PCDHGA1: variants seen among roughly 807,000 people sequenced by gnomAD.
The protein encoded by PCDHGA1 is protocadherin gamma-A1.
In PCDHGA1, 32 loss-of-function variants were observed where a neutral mutation model predicts 58.0. The ratio of observed to expected loss-of-function variants is 0.55; its 90% CI spans 0.42 to 0.74. The LOEUF (loss-of-function observed/expected upper bound fraction) is 0.74, where lower values mean the gene tolerates loss of function less well. PCDHGA1 is among the 30% of genes least tolerant of loss of function. PCDHGA1 has a pLI of 0.00. For missense variants in PCDHGA1, 1,205 were observed against 1,182.3 expected (o/e 1.02, Z -0.28); for synonymous variants, 498 against 501.1 (o/e 0.99, Z 0.08).
chr5:141,419,569 C>T (rs1200109635), intron 1 of PCDHGA1: 3 of 1,611,654 alleles, frequency 1.9e-6, no homozygotes, highest in East Asian at 2.2e-5. Context: ...TGGGTCCCGA[C>T]GGCTCCGCGC....
chr5:141,430,635 T>A, intron 1 of PCDHGA1: 3 of 881,948 alleles, frequency 3.4e-6, no homozygotes, highest in Non-Finnish European at 5.0e-6. Flanking sequence ...GAACCATCCC[T>A]GGGAGTATGT....
chr5:141,330,954 A>G lies in PCDHGA1; in HGVS notation c.270A>G (p.Ile90Met), dbSNP rs772543389. The G allele has an allele frequency of 3.0e-5, 49 of 1,614,252 alleles. No individual in the cohort carries two copies. Among genetic ancestry groups the G allele is most frequent in the Non-Finnish European group, 4.1e-5 (48 of 1,180,040 alleles). The change falls in exon 1 of 4, where the codon ATA becomes ATG. Residue 90 changes from isoleucine (I) to methionine (M), a missense_variant. Coordinates refer to ENST00000517417, the MANE Select transcript of PCDHGA1 (RefSeq NM_018912.3). ...RSGSLITARR[I>M]DREELCAQSM... ...GCAGCTTGATCACCGCGCGCAGGATAGACCGGGAGGAGCTCTGCGCTCAGA... is the reference window on the plus strand; with the variant it reads ...GCAGCTTGATCACCGCGCGCAGGATGGACCGGGAGGAGCTCTGCGCTCAGA...
Position 141,420,101 on chromosome 5 carries a change from T to A in PCDHGA1, c.2422-74706T>A. 5 of 1,614,046 alleles carry A rather than the reference T, an allele frequency of 3.1e-6. No homozygotes were observed. Among genetic ancestry groups the A allele is most frequent in the Non-Finnish European group, 4.2e-6 (5 of 1,179,870 alleles). ...TCCCCCCAACTACAGTGAGGGAACGTTGCCCTATGCCTATAATTTTTGTGT... is the reference window on the plus strand; with the variant it reads ...TCCCCCCAACTACAGTGAGGGAACGATGCCCTATGCCTATAATTTTTGTGT... On this transcript the variant is annotated intron_variant, in intron 1 of 3. Transcript: ENST00000517417.
intron 1 of PCDHGA1, chr5:141,385,657 C>A: frequency 1.6e-6 from 1 of 611,856 alleles, no homozygotes; most frequent in Non-Finnish European, 2.2e-6. Context: ...ACAAGGTTAG[C>A]AGGAATAAAA....
chr5:141,489,159 T>G lies in PCDHGA1; in HGVS notation c.2422-5648T>G. On this transcript the variant is annotated intron_variant, in intron 1 of 3. Transcript: ENST00000517417. This position sits in a 1 kb window ranked among gnomAD's most constrained non-coding sequence, Gnocchi z 4.5. ...AGGCTGGAAGGAGACATAAGAGACT[T>G]CAGCTGCTGCATTCCAAGCCCTGGG... is the stretch of plus-strand genomic sequence containing the variant. 2 of 1,023,152 alleles carry G rather than the reference T, an allele frequency of 2.0e-6. No individual in the cohort carries two copies. Among genetic ancestry groups the G allele is most frequent in the Non-Finnish European group, 2.9e-6 (2 of 697,120 alleles). The allele number at this position is 1,023,152 out of a possible 1,614,324, so 63.4% of individuals were successfully genotyped here. A position where few individuals can be genotyped will look rare whatever the true frequency, so the allele number is the denominator to read the frequency against.
intron 1 of PCDHGA1, chr5:141,382,648 G>A (rs1561591657): frequency 2.5e-6 from 1 of 403,370 alleles, no homozygotes; most frequent in Non-Finnish European, 4.4e-6. Flanking sequence ...CAGTAACTTA[G>A]TAAGGACTCA....
Position 141,485,465 on chromosome 5 carries a change from C to A in PCDHGA1, c.2422-9342C>A, listed in dbSNP as rs2099614061. 6.2e-7 allele frequency: 1 copy of A among 1,614,044 alleles called. No homozygotes were observed. Among genetic ancestry groups the A allele is most frequent in the African/African-American group, 1.3e-5 (1 of 74,918 alleles). ...AATCGACCGAGAGGCACTGTGTGGG[C>A]TCAGTGCCAGCTGCATCGTGCCCCT... On this transcript the variant is annotated intron_variant, in intron 1 of 3. Transcript: ENST00000517417. This position sits in a 1 kb window ranked among gnomAD's most constrained non-coding sequence, Gnocchi z 5.7.
chr5:141,384,575 C>A (rs754018989), intron 1 of PCDHGA1: 3 of 1,614,258 alleles, frequency 1.9e-6, no homozygotes, highest in Non-Finnish European at 2.5e-6. Context: ...AATGACAACC[C>A]GCCCGAGATC....
At position 141,332,968 on chromosome 5, in the gene PCDHGA1, G is replaced by A; in HGVS notation, c.2284G>A (p.Asp762Asn). 1 of 1,614,200 alleles carries A rather than the reference G, an allele frequency of 6.2e-7. No homozygotes were observed. The highest frequency in any genetic ancestry group is 8.5e-7 in the Non-Finnish European group (1 of 1,180,034). ...TYSHEVSLTADSRKSHLIFPQ... is the reference protein window; with the variant it reads ...TYSHEVSLTANSRKSHLIFPQ... ...TTCCCACGAGGTCTCCCTCACTGCG[G>A]ACTCGCGGAAGAGCCACCTGATTTT... Residue 762 changes from aspartate (D) to asparagine (N), a missense_variant, in exon 1 of 4, where the codon GAC (aspartate) becomes AAC (asparagine). Coordinates refer to ENST00000517417, the MANE Select transcript of PCDHGA1 (RefSeq NM_018912.3). This position sits in a 1 kb window ranked among gnomAD's most constrained non-coding sequence, Gnocchi z 4.6.
intron 1 of PCDHGA1, chr5:141,371,738 C>G (rs765693064): frequency 6.2e-7 from 1 of 1,614,052 alleles, no homozygotes. Flanking sequence ...TCAACGACAA[C>G]GTTCCCGTTT....
chr5:141,433,651 C>T (rs905489069), intron 1 of PCDHGA1, among the ~76,000 whole-genome samples: 3 of 152,064 alleles, frequency 2.0e-5, no homozygotes, highest in Non-Finnish European at 2.9e-5. Context: ...GCCTGACCAA[C>T]ATGGAGAAAC....
intron 1 of PCDHGA1, chr5:141,399,765 G>A: frequency 6.2e-7 from 1 of 1,613,356 alleles, no homozygotes; most frequent in African/African-American, 1.3e-5. Flanking sequence ...GCCTGCGCGT[G>A]TTGGTGGGCG....
chr5:141,497,689 A>G (rs951295378), intron 2 of PCDHGA1, among the ~76,000 whole-genome samples: 1 of 151,958 alleles, frequency 6.6e-6, no homozygotes, highest in African/African-American at 2.4e-5. Flanking sequence ...GCAGGTGTGC[A>G]CCACCACACC....
chr5:141,339,298 G>A (rs1487466494), intron 1 of PCDHGA1: 2 of 1,614,268 alleles, frequency 1.2e-6, no homozygotes, highest in Admixed American at 3.3e-5. Flanking sequence ...TTAACATTCT[G>A]CTGGAGGATA....
intron 1 of PCDHGA1, among the ~76,000 whole-genome samples, chr5:141,470,896 T>C (rs1370454369): frequency 6.6e-6 from 1 of 151,980 alleles, no homozygotes; most frequent in Non-Finnish European, 1.5e-5. Context: ...TTTTGTTTTT[T>C]GTAGAGATGG....
intron 1 of PCDHGA1, among the ~76,000 whole-genome samples, chr5:141,474,193 A>C (rs2099345142): frequency 6.6e-6 from 1 of 152,256 alleles, no homozygotes. Context: ...TACATTTTTA[A>C]AAGCTGATTT....
rs202065305 is a variant in PCDHGA1 at position 141,410,175 on chromosome 5, C to A, written c.2421+77070C>A. 1.1e-5 allele frequency: 17 copies of A among 1,613,752 alleles called. No homozygotes were observed. In the African/African-American group the frequency reaches 2.1e-4, roughly 20 times the overall value. ...GGACAGCCGCCACTCTCTGCCACCG[C>A]CACGCTTCATCTGGTCTTCGCAGAC... On this transcript the variant is annotated intron_variant, in intron 1 of 3. Transcript: ENST00000517417.
chr5:141,353,084 G>A (rs1759182149), intron 1 of PCDHGA1, among the ~76,000 whole-genome samples: 1 of 152,142 alleles, frequency 6.6e-6, no homozygotes, highest in African/African-American at 2.4e-5. Context: ...GGTATCTACT[G>A]CGGGAGGGGG....
chr5:141,352,453 TG>T, intron 1 of PCDHGA1: 7 of 1,614,032 alleles, frequency 4.3e-6, no homozygotes, highest in Non-Finnish European at 5.9e-6. Context: ...GCTCCAAGTC[TG>T]GGCCCGGGGT....
Sources: gnomAD v4.1 joint callset for allele counts (sites outside exome capture counted in the v4.1 genomes callset) on GRCh38, gnomAD v4.1.1 for gene constraint, Gnocchi (gnomAD v3.1) non-coding constraint, MANE v1.5 for transcripts, NCBI Gene and HGNC (gene_info 2026-07-23, HGNC 2026-07-21) for gene names.